Variants in MICAL2 observed in about 807,000 individuals in gnomAD.
The protein encoded by MICAL2 is microtubule associated monooxygenase, calponin and LIM domain containing 2, also known as [F-actin]-monooxygenase MICAL2.
A neutral mutation model predicts 127.3 loss-of-function variants in MICAL2; 77 were observed. The observed-to-expected ratio is 0.60, with a 90% CI of 0.50 to 0.73. MICAL2 has a LOEUF of 0.73. Ranked by LOEUF, MICAL2 falls within the 30% of genes least tolerant of loss-of-function variation. MICAL2 has a pLI of 0.00. For missense variants in MICAL2, 1,351 were observed against 1,434.4 expected, an observed-to-expected ratio of 0.94 and a Z score of 0.94; for synonymous variants, 570 against 551.1, an observed-to-expected ratio of 1.03 and a Z score of -0.48.
intron 2 of MICAL2, among the ~76,000 whole-genome samples, chr11:12,282,344 C>T (rs747204406): frequency 1.1e-4 from 17 of 152,160 alleles, no homozygotes; most frequent in African/African-American, 3.6e-4. Flanking sequence ...CTGGTTACTG[C>T]GTGGCCTTGG....
chr11:12,336,888 C>T (rs1036215986), intron 32 of MICAL2, among the ~76,000 whole-genome samples: 2 of 151,962 alleles, frequency 1.3e-5, no homozygotes, highest in African/African-American at 2.4e-5. Flanking sequence ...CATCAGTGTT[C>T]ATCAAGGATA....
rs747111484 is a variant in MICAL2, at chr11:12,221,788, G to C, written c.1322+29G>C. The C allele has an allele frequency of 1.0e-5, 16 of 1,579,456 alleles. No individual in the cohort carries two copies. The South Asian group carries it at 1.6e-4, about 15-fold the overall frequency. On this transcript the variant is annotated intron_variant, in intron 10 of 27. Coordinates refer to ENST00000683283, the MANE Select transcript of MICAL2 (RefSeq NM_001282663.2). The stretch of plus-strand genomic sequence containing the variant: ...AGCTTTGACAGTAGGGCTCCTAACT[G>C]GGGGGCAGGGCACTCAGGCAGGAAA...
At chr11:12,166,113 T>G (rs1432669724) in intron 3 of MICAL2, among the ~76,000 whole-genome samples, 1 of 152,118 alleles carries the variant, frequency 6.6e-6, no homozygotes, top group Non-Finnish European at 1.5e-5. Flanking sequence ...AATATGTAAT[T>G]TGGTGTGGGA....
chr11:12,354,573 G>T (rs1248513315), intron 33 of MICAL2, among the ~76,000 whole-genome samples: 1 of 152,112 alleles, frequency 6.6e-6, no homozygotes, highest in East Asian at 1.9e-4. Context: ...GGGGGGCGAA[G>T]GTTGCAGTGA....
At chr11:12,340,495 A>G (rs1468566526) in intron 32 of MICAL2, among the ~76,000 whole-genome samples, 2 of 152,246 alleles carry the variant, frequency 1.3e-5, no homozygotes, top group Admixed American at 6.5e-5. Flanking sequence ...GTGAAGTTGA[A>G]TATGTGCATA....
chr11:12,229,965 T>C (rs1035062610), intron 15 of MICAL2, among the ~76,000 whole-genome samples: 2 of 152,164 alleles, frequency 1.3e-5, no homozygotes, highest in African/African-American at 2.4e-5. Flanking sequence ...GGCCATTGAG[T>C]TAAGTGCCTG....
Position 12,307,695 on chromosome 11 carries a change from C to T in MICAL2, c.5213-12001C>T, listed in dbSNP as rs11827572. On this transcript the variant is annotated intron_variant, in intron 29 of 34. Coordinates refer to the MICAL2 transcript ENST00000646065. Reference sequence around the variant, plus strand: ...TTTGCCCAGAGGTATCTAATTGCTTCGGTACCACTTGTTTTAAAGACTGTT... The same window carrying T: ...TTTGCCCAGAGGTATCTAATTGCTTTGGTACCACTTGTTTTAAAGACTGTT... 1.7e-3 allele frequency among the ~76,000 whole-genome samples: 261 copies of T among 152,246 alleles called. 1 individual carries two copies. Among genetic ancestry groups the T allele is most frequent in the African/African-American group, 5.9e-3 (246 of 41,534 alleles).
chr11:12,323,010 A>G (rs962480540), intron 30 of MICAL2, among the ~76,000 whole-genome samples: 2 of 151,966 alleles, frequency 1.3e-5, no homozygotes, highest in African/African-American at 4.8e-5. Context: ...AGCTCACACA[A>G]CTCAGCTGGG....
At position 12,188,823 on chromosome 11, in the gene MICAL2, C is replaced by T. The variant is rs76137398; in HGVS notation, c.265-15427C>T. 2.5e-3 allele frequency among the ~76,000 whole-genome samples: 385 copies of T among 152,240 alleles called. 2 individuals carry two copies. The highest frequency in any genetic ancestry group is 9.1e-3 in the African/African-American group (376 of 41,520). Reference sequence around the variant, plus strand: ...TAGGACTCAATGAAATTGAACATAGCATACCTGACACATGGTAGACCTCCA... The same window carrying T: ...TAGGACTCAATGAAATTGAACATAGTATACCTGACACATGGTAGACCTCCA... On this transcript the variant is annotated intron_variant, in intron 3 of 27. Coordinates refer to ENST00000683283, the MANE Select transcript of MICAL2 (RefSeq NM_001282663.2).
chr11:12,193,503 T>C (rs1317384290), intron 3 of MICAL2, among the ~76,000 whole-genome samples: 2 of 152,206 alleles, frequency 1.3e-5, no homozygotes, highest in African/African-American at 2.4e-5. Flanking sequence ...GGATCAGCCT[T>C]GTCTGTGCTC....
At chr11:12,338,268 G>A (rs1938800925) in intron 32 of MICAL2, among the ~76,000 whole-genome samples, 1 of 152,074 alleles carries the variant, frequency 6.6e-6, no homozygotes, top group Non-Finnish European at 1.5e-5. Context: ...CAGAGACTAG[G>A]CTTGCAACCC....
At chr11:12,294,757 G>A (rs1486002133), downstream of MICAL2, 1 of 1,612,858 alleles carries the variant, frequency 6.2e-7, no homozygotes, top group Non-Finnish European at 8.5e-7. Context: ...CCCTGGAGAA[G>A]CTGCTGCAGC....
At chr11:12,240,279 C>T (rs564791388) in intron 17 of MICAL2, among the ~76,000 whole-genome samples, 4 of 152,186 alleles carry the variant, frequency 2.6e-5, no homozygotes, top group Admixed American at 1.3e-4. Context: ...GTCTGTGCCT[C>T]GTGGTTCCGT....
downstream of MICAL2, among the ~76,000 whole-genome samples, chr11:12,291,365 G>C (rs117171761): frequency 6.6e-6 from 1 of 152,108 alleles, no homozygotes; most frequent in East Asian, 1.9e-4. Context: ...AAGACAGTGC[G>C]CACATGTGAG....
At chr11:12,276,520 G>A (rs571540329) in intron 1 of MICAL2, 133 of 167,600 alleles carry the variant, frequency 7.9e-4, no homozygotes, top group Non-Finnish European at 1.6e-3. Context: ...CCCGAGGGCC[G>A]CCCACTGCAA....
chr11:12,226,164 T>A lies in MICAL2; in HGVS notation c.1689-7T>A. On this transcript the variant is annotated splice_region_variant and splice_polypyrimidine_tract_variant and intron_variant, in intron 13 of 27. Transcript: ENST00000683283. Reference sequence around the variant, plus strand: ...CTGAATTTCTCTGCTTTGTTTTGATTCTCTAGCAACTTTGACTCTTTGAAT... The same window carrying A: ...CTGAATTTCTCTGCTTTGTTTTGATACTCTAGCAACTTTGACTCTTTGAAT... The A allele has an allele frequency of 6.2e-7, 1 of 1,614,126 alleles. No individual in the cohort carries two copies. Among genetic ancestry groups the A allele is most frequent in the Non-Finnish European group, 8.5e-7 (1 of 1,179,992 alleles).
At chr11:12,311,928 C>T (rs1200697292) in intron 29 of MICAL2, among the ~76,000 whole-genome samples, 3 of 151,942 alleles carry the variant, frequency 2.0e-5, no homozygotes, top group African/African-American at 7.2e-5. Flanking sequence ...GAGAACTAAT[C>T]ACATTTTCTA....
intron 29 of MICAL2, among the ~76,000 whole-genome samples, chr11:12,307,279 A>T (rs1864122861): frequency 6.6e-6 from 1 of 152,128 alleles, no homozygotes; most frequent in East Asian, 1.9e-4. Context: ...GCCCATTTTT[A>T]AATTGTGTTG....
intron 3 of MICAL2, among the ~76,000 whole-genome samples, chr11:12,165,829 C>T (rs548906414): frequency 4.6e-5 from 7 of 152,182 alleles, no homozygotes; most frequent in Middle Eastern, 3.2e-3. Context: ...CCTGAGAGCT[C>T]TCTAGAGCAG....
Sources: allele counts gnomAD v4.1 joint callset (sites outside exome capture counted in the v4.1 genomes callset), GRCh38; gene constraint gnomAD v4.1.1; transcripts MANE v1.5; gene names NCBI Gene and HGNC (gene_info 2026-07-23, HGNC 2026-07-21).